Variants in CSMD3 observed in about 807,000 individuals in gnomAD.
CSMD3 encodes the protein CUB and Sushi multiple domains 3.
In CSMD3, 177 loss-of-function variants were observed where a neutral mutation model predicts 435.2. The ratio of observed to expected loss-of-function variants is 0.41; its 90% CI spans 0.36 to 0.46. CSMD3 has a LOEUF of 0.46. Among genes scored for constraint, CSMD3 ranks in the 20% least tolerant of loss-of-function variants. CSMD3 has a pLI of 0.34. For synonymous variants in CSMD3, 1,656 were observed against 1,520.5 expected (o/e 1.09, Z -2.07); for missense variants, 4,265 against 4,504.6 (o/e 0.95, Z 1.52).
At position 113,145,834 on chromosome 8, in the gene CSMD3, C is replaced by G. The variant is rs1296841316; in HGVS notation, c.709+27888G>C. ...TTTTGCAGATGGCAAAAATGAGTCCCTATTTTTTCCCTATATTGACTGCTG... is the reference window on the plus strand; with the variant it reads ...TTTTGCAGATGGCAAAAATGAGTCCGTATTTTTTCCCTATATTGACTGCTG... On this transcript the variant is annotated intron_variant, in intron 4 of 70. Coordinates refer to ENST00000297405, the MANE Select transcript of CSMD3 (RefSeq NM_198123.2). 2.0e-5 allele frequency among the ~76,000 whole-genome samples: 3 copies of G among 151,550 alleles called. No individual in the cohort carries two copies. In the East Asian group the frequency reaches 5.9e-4, roughly 30 times the overall value.
chr8:112,377,296 A>G (rs1236347575), intron 38 of CSMD3, among the ~76,000 whole-genome samples: 3 of 152,148 alleles, frequency 2.0e-5, no homozygotes, highest in African/African-American at 7.2e-5. Context: ...CCAAGACTAA[A>G]TTTTAAGGAA....
intron 22 of CSMD3, among the ~76,000 whole-genome samples, chr8:112,620,611 T>C (rs929753019): frequency 6.6e-6 from 1 of 152,088 alleles, no homozygotes; most frequent in African/African-American, 2.4e-5. Context: ...CCAAGATAGA[T>C]TGCAGATGGA....
At chr8:113,205,112 T>A (rs999908634) in intron 3 of CSMD3, among the ~76,000 whole-genome samples, 1 of 151,884 alleles carries the variant, frequency 6.6e-6, no homozygotes, top group African/African-American at 2.4e-5. Context: ...GCCTCCCAAG[T>A]AGCTAGGATT....
intron 22 of CSMD3, among the ~76,000 whole-genome samples, chr8:112,594,254 G>A (rs900349501): frequency 2.0e-5 from 3 of 152,172 alleles, no homozygotes; most frequent in South Asian, 2.1e-4. Flanking sequence ...AGAAAGGGGC[G>A]ATGGACGCAC....
intron 22 of CSMD3, among the ~76,000 whole-genome samples, chr8:112,613,363 C>G (rs578140940): frequency 4.6e-5 from 7 of 152,190 alleles, no homozygotes; most frequent in South Asian, 2.1e-4. Context: ...AGGAGAAATC[C>G]TCTTGTGGTA....
intron 6 of CSMD3, among the ~76,000 whole-genome samples, chr8:112,989,904 T>C (rs1482067873): frequency 6.6e-6 from 1 of 151,970 alleles, no homozygotes; most frequent in African/African-American, 2.4e-5. Context: ...CAATGCCAGA[T>C]GGAGATAATT....
chr8:112,475,229 C>T (rs1818926387), intron 31 of CSMD3, among the ~76,000 whole-genome samples: 1 of 152,136 alleles, frequency 6.6e-6, no homozygotes, highest in African/African-American at 2.4e-5. Context: ...TAGTCATGAA[C>T]ATTGTGCCAT....
rs538045126 is a variant in CSMD3, at chr8:112,527,506, T to C, written c.4565-10281A>G. Among the ~76,000 whole-genome samples, 5 of 152,108 alleles carry C rather than the reference T, an allele frequency of 3.3e-5. No individual in the cohort carries two copies. The East Asian group carries it at 7.7e-4, about 23-fold the overall frequency. ...CTGCAGTGGGGCATTTTAACACTTTTCTTGAGTAGTTGATAAAATAAGTGA... is the reference window on the plus strand; with the variant it reads ...CTGCAGTGGGGCATTTTAACACTTTCCTTGAGTAGTTGATAAAATAAGTGA... On this transcript the variant is annotated intron_variant, in intron 27 of 70. Coordinates refer to ENST00000297405, the MANE Select transcript of CSMD3 (RefSeq NM_198123.2).
At chr8:113,433,135 G>C (rs965515675) in intron 1 of CSMD3, among the ~76,000 whole-genome samples, 2 of 152,168 alleles carry the variant, frequency 1.3e-5, no homozygotes, top group Non-Finnish European at 2.9e-5. Context: ...CTTTCAGTGG[G>C]TTTCTCAGTC....
At chr8:112,679,944 C>T (rs1297525422) in intron 16 of CSMD3, among the ~76,000 whole-genome samples, 1 of 152,236 alleles carries the variant, frequency 6.6e-6, no homozygotes, top group Non-Finnish European at 1.5e-5. Context: ...CTCTGGACTT[C>T]TCTAGTCATT....
intron 32 of CSMD3, among the ~76,000 whole-genome samples, chr8:112,450,826 T>A (rs1816178518): frequency 6.6e-6 from 1 of 152,214 alleles, no homozygotes; most frequent in Non-Finnish European, 1.5e-5. Flanking sequence ...TGGCTAGACC[T>A]CTCTGGAAAG....
At chr8:112,918,920 C>T (rs1165581937) in intron 10 of CSMD3, among the ~76,000 whole-genome samples, 1 of 151,862 alleles carries the variant, frequency 6.6e-6, no homozygotes, top group Non-Finnish European at 1.5e-5. Flanking sequence ...CATATTTATT[C>T]TGTCCAAGAA....
At chr8:112,894,446 T>C (rs1423383848) in intron 10 of CSMD3, among the ~76,000 whole-genome samples, 2 of 151,304 alleles carry the variant, frequency 1.3e-5, no homozygotes. Flanking sequence ...TAGACAAAAA[T>C]ATTAGTATAA....
chr8:112,535,045 C>G (rs1825924979), intron 27 of CSMD3, among the ~76,000 whole-genome samples: 1 of 152,142 alleles, frequency 6.6e-6, no homozygotes, highest in Non-Finnish European at 1.5e-5. Flanking sequence ...ATAATAAGAG[C>G]TGTCTATGAC....
At position 112,648,099 on chromosome 8, in the gene CSMD3, G is replaced by A. The variant is rs572047779; in HGVS notation, c.3193+2062C>T. 1.4e-4 allele frequency among the ~76,000 whole-genome samples: 22 copies of A among 152,216 alleles called. No homozygotes were observed. The South Asian group carries it at 4.6e-3, about 32-fold the overall frequency. On this transcript the variant is annotated intron_variant, in intron 19 of 70. Transcript: ENST00000297405. ...CTGTACACAAGCATTAGGCAACCTAGGTCAATCAAGTTTACATTCTTGGAG... is the reference window on the plus strand; with the variant it reads ...CTGTACACAAGCATTAGGCAACCTAAGTCAATCAAGTTTACATTCTTGGAG...
chr8:112,667,446 T>A (rs2131713690), intron 16 of CSMD3, among the ~76,000 whole-genome samples: 1 of 152,298 alleles, frequency 6.6e-6, no homozygotes, highest in East Asian at 1.9e-4. Flanking sequence ...TAGTTTAAAA[T>A]AACATCATCT....
chr8:113,377,610 G>A lies in CSMD3; in HGVS notation c.178+59067C>T, dbSNP rs571464249. Among the ~76,000 whole-genome samples, 18 of 152,210 alleles carry A rather than the reference G, an allele frequency of 1.2e-4. No individual in the cohort carries two copies. In the South Asian group the frequency reaches 2.3e-3, roughly 19 times the overall value. On this transcript the variant is annotated intron_variant, in intron 1 of 70. Coordinates refer to ENST00000297405, the MANE Select transcript of CSMD3 (RefSeq NM_198123.2). Reference sequence around the variant, plus strand: ...TTTTTCTACGAGTTTGTGTTAGACGGTATTTATAAAACTTGCAAATATTTA... The same window carrying A: ...TTTTTCTACGAGTTTGTGTTAGACGATATTTATAAAACTTGCAAATATTTA...
At chr8:112,976,173 GCTAA>G (rs1400872851) in intron 6 of CSMD3, 25 bp from the exon 7 acceptor site, 14 of 1,611,470 alleles carry the variant, frequency 8.7e-6, no homozygotes, top group African/African-American at 1.3e-5. Flanking sequence ...AGCACTAGAT[GCTAA>G]CTTTTTCTTT....
chr8:112,725,345 T>C (rs573252661), intron 13 of CSMD3, among the ~76,000 whole-genome samples: 1 of 152,078 alleles, frequency 6.6e-6, no homozygotes, highest in African/African-American at 2.4e-5. Flanking sequence ...ACTTCAGTTA[T>C]ATTAACAGGA....
Sources: gnomAD v4.1 joint callset for allele counts (sites outside exome capture counted in the v4.1 genomes callset) on GRCh38, gnomAD v4.1.1 for gene constraint, MANE v1.5 for transcripts, NCBI Gene and HGNC (gene_info 2026-07-23, HGNC 2026-07-21) for gene names.